The following KHDRBS2 variants were observed in gnomAD, a reference collection of about 807,000 sequenced individuals.
KHDRBS2 encodes KH domain-containing, RNA-binding, signal transduction-associated protein 2.
Under a neutral mutation model 44.3 loss-of-function variants are expected in KHDRBS2, and 26 were observed. The ratio of observed to expected loss-of-function variants is 0.59; its 90% confidence interval spans 0.43 to 0.81. The LOEUF is 0.81. Ranked by LOEUF, KHDRBS2 falls within the 40% of genes least tolerant of loss-of-function variation. The probability of loss-of-function intolerance (pLI) is 0.00; values close to 1 mark genes in which losing one functional copy is unlikely to be tolerated. For missense variants in KHDRBS2, 476 were observed against 433.1 expected, an observed-to-expected ratio of 1.10 and a Z score of -0.88; for synonymous variants, 194 against 151.1, an observed-to-expected ratio of 1.28 and a Z score of -2.08.
chr6:61,633,834 T>G, the KHDRBS2 span, among the ~76,000 whole-genome samples: 4 of 152,056 alleles, frequency 2.6e-5, no homozygotes, highest in African/African-American at 9.7e-5. Flanking sequence ...AATAGTTCCA[T>G]ATGTTCACTG....
intron 2 of KHDRBS2, among the ~76,000 whole-genome samples, chr6:62,084,856 G>A (rs1376621607): frequency 1.3e-5 from 2 of 152,028 alleles, no homozygotes; most frequent in African/African-American, 2.4e-5. Flanking sequence ...CGATTTTCAT[G>A]ACAAATTAAC....
intron 7 of KHDRBS2, among the ~76,000 whole-genome samples, chr6:61,721,385 A>C (rs1772506635): frequency 6.6e-6 from 1 of 151,716 alleles, no homozygotes; most frequent in Non-Finnish European, 1.5e-5. Flanking sequence ...GGCCATTTTC[A>C]CGATATTGAT....
At chr6:61,816,185 G>A (rs1212450372) in intron 6 of KHDRBS2, among the ~76,000 whole-genome samples, 1 of 152,066 alleles carries the variant, frequency 6.6e-6, no homozygotes, top group Non-Finnish European at 1.5e-5. Flanking sequence ...GTTAAATTGT[G>A]TCCCCAAAAA....
At chr6:61,893,718 G>A (rs1802412873) in intron 6 of KHDRBS2, among the ~76,000 whole-genome samples, 1 of 152,108 alleles carries the variant, frequency 6.6e-6, no homozygotes, top group Admixed American at 6.6e-5. Context: ...ATGGACACAG[G>A]AAGGGGAACA....
At chr6:61,736,206 T>G (rs1002403608) in intron 6 of KHDRBS2, among the ~76,000 whole-genome samples, 1 of 66,614 alleles carries the variant, frequency 1.5e-5, no homozygotes, top group Non-Finnish European at 3.1e-5. Context: ...TTCTTTTTAC[T>G]TTACTTCACA....
chr6:62,231,674 AAAAT>A (rs1422702836), intron 1 of KHDRBS2, among the ~76,000 whole-genome samples: 2 of 152,220 alleles, frequency 1.3e-5, no homozygotes, highest in Non-Finnish European at 2.9e-5. Flanking sequence ...GGTGCAGCTG[AAAAT>A]AAATTGGTAA....
intron 4 of KHDRBS2, among the ~76,000 whole-genome samples, chr6:61,957,464 A>C (rs1355411024): frequency 6.6e-6 from 1 of 152,116 alleles, no homozygotes; most frequent in Non-Finnish European, 1.5e-5. Flanking sequence ...AACCCTGAGA[A>C]AGAGAATGCG....
chr6:61,919,955 T>A (rs1807748808), intron 4 of KHDRBS2, among the ~76,000 whole-genome samples: 1 of 151,918 alleles, frequency 6.6e-6, no homozygotes, highest in Non-Finnish European at 1.5e-5. Flanking sequence ...ACGAATGGTT[T>A]GAGAAAATCT....
chr6:62,223,683 C>A (rs1487638828), intron 1 of KHDRBS2, among the ~76,000 whole-genome samples: 2 of 152,144 alleles, frequency 1.3e-5, no homozygotes, highest in Admixed American at 6.5e-5. Context: ...TTAGAAGTTT[C>A]TTCCACCAGA....
intron 4 of KHDRBS2, among the ~76,000 whole-genome samples, chr6:61,902,352 G>A (rs967950062): frequency 1.3e-5 from 2 of 152,146 alleles, no homozygotes; most frequent in African/African-American, 4.8e-5. Context: ...ATAACAACCA[G>A]AGATTCAGTC....
chr6:61,817,376 T>C (rs1399405171), intron 6 of KHDRBS2, among the ~76,000 whole-genome samples: 1 of 152,100 alleles, frequency 6.6e-6, no homozygotes, highest in South Asian at 2.1e-4. Flanking sequence ...AAATATCACA[T>C]TAATTTCATT....
chr6:61,719,482 C>A (rs1268529209), intron 7 of KHDRBS2, among the ~76,000 whole-genome samples: 1 of 151,610 alleles, frequency 6.6e-6, no homozygotes, highest in African/African-American at 2.4e-5. Context: ...AAAAGGTTAT[C>A]AGAACATGAA....
At chr6:62,131,604 G>A (rs765778581) in intron 2 of KHDRBS2, among the ~76,000 whole-genome samples, 6 of 152,104 alleles carry the variant, frequency 3.9e-5, no homozygotes, top group Non-Finnish European at 8.8e-5. Flanking sequence ...ATTTCACAGG[G>A]AAGTACCAGG....
At chr6:61,924,919 G>A (rs1475928293) in intron 4 of KHDRBS2, among the ~76,000 whole-genome samples, 4 of 152,038 alleles carry the variant, frequency 2.6e-5, no homozygotes, top group African/African-American at 7.2e-5. Context: ...TTGGCTTTAC[G>A]TTTGTAATTG....
intron 6 of KHDRBS2, among the ~76,000 whole-genome samples, chr6:61,850,679 C>G (rs1583162652): frequency 6.6e-6 from 1 of 152,226 alleles, no homozygotes; most frequent in Non-Finnish European, 1.5e-5. Context: ...ATTGTAATTT[C>G]AGGCACTAGT....
At chr6:62,027,885 A>T (rs531892509) in intron 3 of KHDRBS2, among the ~76,000 whole-genome samples, 44 of 152,130 alleles carry the variant, frequency 2.9e-4, no homozygotes, top group African/African-American at 9.9e-4. Flanking sequence ...CAAACCAATA[A>T]TCTAGTTAAG....
intron 6 of KHDRBS2, among the ~76,000 whole-genome samples, chr6:61,855,955 C>G (rs1369629615): frequency 6.6e-6 from 1 of 152,060 alleles, no homozygotes; most frequent in Non-Finnish European, 1.5e-5. Context: ...AAACTACTTG[C>G]ACTCAAATCT....
intron 1 of KHDRBS2, among the ~76,000 whole-genome samples, chr6:62,256,126 C>A (rs563253888): frequency 1.4e-5 from 2 of 147,608 alleles, no homozygotes; most frequent in Non-Finnish European, 3.0e-5. Flanking sequence ...CAGAGTGAGA[C>A]TCCAACTCCG....
intron 2 of KHDRBS2, among the ~76,000 whole-genome samples, chr6:62,120,096 G>A (rs1434283474): frequency 1.3e-5 from 2 of 152,170 alleles, no homozygotes; most frequent in Non-Finnish European, 2.9e-5. Context: ...TTTGGGCCCA[G>A]TATGCAGGGA....
Sources: gnomAD v4.1 joint callset for allele counts (sites outside exome capture counted in the v4.1 genomes callset) on GRCh38, gnomAD v4.1.1 for gene constraint, MANE v1.5 for transcripts, NCBI Gene and HGNC (gene_info 2026-07-23, HGNC 2026-07-21) for gene names.